Variants in RBPJ observed in about 807,000 individuals in gnomAD.
RBPJ encodes recombining binding protein suppressor of hairless.
In RBPJ, 9 loss-of-function variants were observed where a neutral mutation model predicts 67.8. The ratio of observed to expected loss-of-function variants is 0.13; its 90% CI spans 0.08 to 0.23. RBPJ has a LOEUF of 0.23. Among genes scored for constraint, RBPJ ranks in the 10% least tolerant of loss-of-function variants. RBPJ has a pLI of 1.00. For missense variants in RBPJ, 305 were observed against 595.6 expected, an observed-to-expected ratio of 0.51 and a Z score of 5.08; for synonymous variants, 198 against 203.3, an observed-to-expected ratio of 0.97 and a Z score of 0.22.
At chr4:26,404,489 CTA>C (rs1326361964) in intron 2 of RBPJ, among the ~76,000 whole-genome samples, 1 of 142,482 alleles carries the variant, frequency 7.0e-6, no homozygotes, top group African/African-American at 2.8e-5. Flanking sequence ...TAGTTTGACT[CTA>C]TCATTGTCAA....
intron 1 of RBPJ, among the ~76,000 whole-genome samples, chr4:26,204,508 C>T (rs1049409360): frequency 6.6e-5 from 10 of 152,250 alleles, no homozygotes; most frequent in Middle Eastern, 3.4e-3. Context: ...TGCTTATGAG[C>T]GTGGGTGGCC....
intron 2 of RBPJ, among the ~76,000 whole-genome samples, chr4:26,403,826 A>G (rs917804556): frequency 1.3e-4 from 20 of 151,972 alleles, no homozygotes; most frequent in African/African-American, 4.8e-4. Flanking sequence ...TGCTATTGCA[A>G]ATAGTGCTGC....
intron 1 of RBPJ, among the ~76,000 whole-genome samples, chr4:26,260,715 T>C (rs1459558488): frequency 6.6e-6 from 1 of 152,186 alleles, no homozygotes; most frequent in East Asian, 1.9e-4. Flanking sequence ...GCCACTCTCT[T>C]ACTCCTTTGT....
chr4:26,202,044 C>T (rs915292602), intron 1 of RBPJ, among the ~76,000 whole-genome samples: 2 of 152,204 alleles, frequency 1.3e-5, no homozygotes, highest in Non-Finnish European at 2.9e-5. Flanking sequence ...TCTGGCTTGT[C>T]CTTCCCTTTT....
chr4:26,310,201 C>G (rs546408816), intron 1 of RBPJ, among the ~76,000 whole-genome samples: 2 of 152,276 alleles, frequency 1.3e-5, no homozygotes, highest in East Asian at 3.9e-4. Flanking sequence ...TGTTCTATTT[C>G]TTTTAATCCT....
At chr4:26,411,415 G>T (rs978335073) in intron 3 of RBPJ, among the ~76,000 whole-genome samples, 6 of 150,518 alleles carry the variant, frequency 4.0e-5, no homozygotes, top group African/African-American at 1.5e-4. Flanking sequence ...AGATTTTTAC[G>T]AAGTATGGGC....
chr4:26,162,308 T>G (rs1716102728), upstream of RBPJ, among the ~76,000 whole-genome samples: 1 of 152,246 alleles, frequency 6.6e-6, no homozygotes, highest in African/African-American at 2.4e-5. Flanking sequence ...CTTTCCATGC[T>G]AATATCAGCA....
rs190089569 is a variant in RBPJ at position 26,339,671 on chromosome 4, A to G, written c.20+18623A>G. The stretch of plus-strand genomic sequence containing the variant: ...AACAAAAAAAACCTCTGTAACATAC[A>G]GTGTGTAAAAGTAACACTCCAAATC... On this transcript the variant is annotated intron_variant, in intron 1 of 10. Coordinates refer to ENST00000355476, the MANE Select transcript of RBPJ (RefSeq NM_015874.6). Among the ~76,000 whole-genome samples the G allele has an allele frequency of 1.7e-3, 252 of 152,042 alleles. 2 individuals carry two copies. Among genetic ancestry groups the G allele is most frequent in the African/African-American group, 5.9e-3 (244 of 41,456 alleles).
At chr4:26,339,552 T>C (rs1048008117) in intron 1 of RBPJ, among the ~76,000 whole-genome samples, 1 of 152,116 alleles carries the variant, frequency 6.6e-6, no homozygotes, top group Non-Finnish European at 1.5e-5. Flanking sequence ...GAGAATCACT[T>C]GAATCTGGGA....
intron 3 of RBPJ, among the ~76,000 whole-genome samples, chr4:26,408,516 A>G (rs1414567419): frequency 6.6e-6 from 1 of 152,116 alleles, no homozygotes; most frequent in Non-Finnish European, 1.5e-5. Flanking sequence ...GTTAACACCC[A>G]TCATTATGGA....
chr4:26,168,986 A>C (rs919780774), intron 1 of RBPJ, among the ~76,000 whole-genome samples: 1 of 152,118 alleles, frequency 6.6e-6, no homozygotes, highest in South Asian at 2.1e-4. Flanking sequence ...ATATTTTTCA[A>C]AGTTTTCAAC....
chr4:26,108,509 G>A, the RBPJ span, among the ~76,000 whole-genome samples: 1 of 152,224 alleles, frequency 6.6e-6, no homozygotes, highest in Non-Finnish European at 1.5e-5. Context: ...CAGGTTGCCT[G>A]AAAATAAACC....
rs78017734 is a variant in RBPJ at position 26,349,810 on chromosome 4, A to G, written c.20+28762A>G. ...TATTGTTTTATAAAAGTAACTGTCTATTACATCGGCAGTACTTTGTGCCAT... is the reference window on the plus strand; with the variant it reads ...TATTGTTTTATAAAAGTAACTGTCTGTTACATCGGCAGTACTTTGTGCCAT... On this transcript the variant is annotated intron_variant, in intron 1 of 10. Coordinates refer to ENST00000355476, the MANE Select transcript of RBPJ (RefSeq NM_015874.6). Among the ~76,000 whole-genome samples, 575 of 152,330 alleles carry G rather than the reference A, an allele frequency of 3.8e-3. 3 individuals are homozygous for G. Among genetic ancestry groups the G allele is most frequent in the African/African-American group, 0.013 (547 of 41,568 alleles).
At chr4:26,231,411 G>A (rs1053712907) in intron 1 of RBPJ, among the ~76,000 whole-genome samples, 13 of 146,954 alleles carry the variant, frequency 8.8e-5, no homozygotes, top group African/African-American at 3.2e-4. Flanking sequence ...TTTTTTAATT[G>A]CACTTTTTTT....
At chr4:26,375,682 C>A (rs1320970123) in intron 1 of RBPJ, among the ~76,000 whole-genome samples, 1 of 152,158 alleles carries the variant, frequency 6.6e-6, no homozygotes, top group Non-Finnish European at 1.5e-5. Context: ...TATGTACAAG[C>A]CAGTTTTCCA....
chr4:26,406,188 A>G lies in RBPJ; in HGVS notation c.73A>G (p.Asn25Asp), dbSNP rs556795121. The change falls in exon 3 of 11, where the codon AAT (asparagine) becomes GAT (aspartate). Residue 25 changes from asparagine to aspartate, a missense_variant. Asn to Asp is a conservative substitution (Grantham distance 23, BLOSUM62 1). Coordinates refer to ENST00000355476, the MANE Select transcript of RBPJ (RefSeq NM_015874.6). ...ATTTGTTTTTAGGGAAGCTATGCGAAATTATTTAAAAGAGCGAGGGGATCA... is the reference window on the plus strand; with the variant it reads ...ATTTGTTTTTAGGGAAGCTATGCGAGATTATTTAAAAGAGCGAGGGGATCA... ...PKRLTREAMR[N>D]YLKERGDQTV... The G allele has an allele frequency of 5.2e-5, 84 of 1,610,518 alleles. No individual in the cohort carries two copies. In the South Asian group the frequency reaches 9.0e-4, roughly 17 times the overall value.
At position 26,358,610 on chromosome 4, in the gene RBPJ, C is replaced by CAAA. The variant is rs771623602; in HGVS notation, c.21-27722_21-27720dup. 4.0e-3 allele frequency among the ~76,000 whole-genome samples: 174 copies of CAAA among 43,082 alleles called. 6 individuals are homozygous for CAAA. Among genetic ancestry groups the CAAA allele is most frequent in the African/African-American group, 0.013 (166 of 12,426 alleles). The allele number at this position is 43,082 out of a possible 152,430, so 28.3% of individuals were successfully genotyped here. A position where few individuals can be genotyped will look rare whatever the true frequency, so the allele number is the denominator to read the frequency against. On this transcript the variant is annotated intron_variant, in intron 1 of 10. Transcript: ENST00000355476. Reference sequence around the variant, plus strand: ...GCAGCATAGCAAGACCCCATCTCTGCAAAAAAAAAAAAAAAAAAAAAAAGT... The same window carrying CAAA: ...GCAGCATAGCAAGACCCCATCTCTGCAAAAAAAAAAAAAAAAAAAAAAAAAAGT...
intron 1 of RBPJ, among the ~76,000 whole-genome samples, chr4:26,218,358 C>T (rs372143132): frequency 8.3e-4 from 127 of 152,234 alleles, no homozygotes; most frequent in African/African-American, 2.9e-3. Flanking sequence ...GAACCGTGGC[C>T]GCCTGAGGAA....
intron 3 of RBPJ, chr4:26,410,400 A>G (rs1171141650): frequency 6.5e-6 from 1 of 153,534 alleles, no homozygotes; most frequent in African/African-American, 2.4e-5. Context: ...TGCATGGCAC[A>G]TCTAGTACCC....
Sources: gnomAD v4.1 joint callset for allele counts (sites outside exome capture counted in the v4.1 genomes callset) on GRCh38, gnomAD v4.1.1 for gene constraint, MANE v1.5 for transcripts, NCBI Gene and HGNC (gene_info 2026-07-23, HGNC 2026-07-21) for gene names.